SYT17: variants seen among roughly 807,000 people sequenced by gnomAD.
The protein encoded by SYT17 is synaptotagmin 17, also known as synaptotagmin-17.
Under a neutral mutation model 46.7 loss-of-function variants are expected in SYT17, and 22 were observed. The observed-to-expected ratio is 0.47, with a 90% CI of 0.34 to 0.67. SYT17 has a LOEUF of 0.67. Among genes scored for constraint, SYT17 ranks in the 30% least tolerant of loss-of-function variants. SYT17 has a pLI of 0.01. For missense variants in SYT17, 519 were observed against 612.8 expected, an observed-to-expected ratio of 0.85 and a Z score of 1.62; for synonymous variants, 251 against 248.4, an observed-to-expected ratio of 1.01 and a Z score of -0.10.
Position 19,257,743 on chromosome 16 carries a change from A to G in SYT17, c.1229-9137A>G, listed in dbSNP as rs187753342. ...TTTTCAGGAACAGGGGAACATCTTA[A>G]CCCAGCATCAAAGAGGTAGATCGCC... On this transcript the variant is annotated intron_variant, in intron 7 of 7. Coordinates refer to ENST00000355377, the MANE Select transcript of SYT17 (RefSeq NM_016524.4). 3.0e-4 allele frequency among the ~76,000 whole-genome samples: 45 copies of G among 152,180 alleles called. 1 individual carries two copies. The highest frequency in any genetic ancestry group is 2.9e-3 in the East Asian group (15 of 5,168).
At chr16:19,264,051 C>T (rs1008324879) in intron 7 of SYT17, among the ~76,000 whole-genome samples, 1 of 152,126 alleles carries the variant, frequency 6.6e-6, no homozygotes, top group Non-Finnish European at 1.5e-5. Context: ...ATAGAAGATG[C>T]CCCAGAGAAC....
intron 7 of SYT17, among the ~76,000 whole-genome samples, chr16:19,258,365 G>T (rs959636944): frequency 6.6e-6 from 1 of 152,160 alleles, no homozygotes; most frequent in Admixed American, 6.6e-5. Flanking sequence ...AGGAGGCCAG[G>T]CACGGTGGCT....
At position 19,267,945 on chromosome 16, in the gene SYT17, TG is replaced by T. The variant is rs1304637965; in HGVS notation, c.*870del. Reference sequence around the variant, plus strand: ...CCACTTTGGATAAAAGTAGTGTGTGTGTGTGTGTGTGTGTGTGTGTGTGTGT... The same window carrying T: ...CCACTTTGGATAAAAGTAGTGTGTGTTGTGTGTGTGTGTGTGTGTGTGTGT... On this transcript the variant is annotated 3_prime_UTR_variant, in exon 8 of 8. Transcript: ENST00000355377. The T allele has an allele frequency of 1.8e-4, 17 of 93,866 alleles. No homozygotes were observed. The highest frequency in any genetic ancestry group is 7.9e-4 in the African/African-American group (16 of 20,308). 5.8% of individuals were successfully genotyped at this position (93,866 alleles called of 1,614,324 possible).
intron 5 of SYT17, among the ~76,000 whole-genome samples, chr16:19,196,317 A>C (rs1304136019): frequency 6.6e-6 from 1 of 150,768 alleles, no homozygotes; most frequent in Non-Finnish European, 1.5e-5. Context: ...ATCTCGGCTC[A>C]CTGCAACCTC....
intron 5 of SYT17, among the ~76,000 whole-genome samples, chr16:19,218,236 G>A (rs1966169760): frequency 6.6e-6 from 1 of 152,172 alleles, no homozygotes; most frequent in Non-Finnish European, 1.5e-5. Flanking sequence ...CCTAGTACCT[G>A]TTACATGAGC....
At position 19,168,857 on chromosome 16, in the gene SYT17, C is replaced by A. The variant is rs1323493541; in HGVS notation, c.15+196C>A. 6.6e-6 allele frequency among the ~76,000 whole-genome samples: 1 copy of A among 152,142 alleles called. No individual in the cohort carries two copies. The highest frequency in any genetic ancestry group is 1.5e-5 in the Non-Finnish European group (1 of 68,012). On this transcript the variant is annotated intron_variant, in intron 1 of 7. Transcript: ENST00000355377. The surrounding 1 kb of genome is among the most constrained non-coding windows in gnomAD (Gnocchi z 6.9). ...GAGGAGAGACTGGGGACCCCCAAAC[C>A]CCGGGATGGAGGGTCCTATGTGTAC...
chr16:19,205,952 C>T (rs1223085418), intron 5 of SYT17, among the ~76,000 whole-genome samples: 1 of 151,836 alleles, frequency 6.6e-6, no homozygotes, highest in Non-Finnish European at 1.5e-5. Context: ...CTGTCTTGTT[C>T]CCTAGTGGTA....
At chr16:19,194,420 C>T (rs1965152904) in intron 5 of SYT17, among the ~76,000 whole-genome samples, 1 of 152,190 alleles carries the variant, frequency 6.6e-6, no homozygotes. Context: ...ATGTTGCTGG[C>T]CCCTGGGTAC....
chr16:19,230,902 A>G (rs1015789917), intron 7 of SYT17, among the ~76,000 whole-genome samples: 1 of 152,240 alleles, frequency 6.6e-6, no homozygotes, highest in Non-Finnish European at 1.5e-5. Context: ...TCCTCTTTAA[A>G]TATGAGACGT....
Position 19,267,104 on chromosome 16 carries a change from GT to G in SYT17, c.*31del. The G allele has an allele frequency of 1.2e-6, 1 of 858,400 alleles. No homozygotes were observed. The highest frequency in any genetic ancestry group is 1.5e-6 in the Non-Finnish European group (1 of 686,824). 53.2% of individuals were successfully genotyped at this position (858,400 alleles called of 1,614,324 possible). On this transcript the variant is annotated 3_prime_UTR_variant, in exon 8 of 8. Coordinates refer to ENST00000355377, the MANE Select transcript of SYT17 (RefSeq NM_016524.4). ...GCTGCAGGGAAGGCAGCTTTCATTT[GT>G]TTAAAAAAAAAAAAAAAAGACGGAA...
At chr16:19,222,927 G>C in intron 5 of SYT17, 118 bp from the exon 6 acceptor site, 9 of 1,366,642 alleles carry the variant, frequency 6.6e-6, no homozygotes, top group Non-Finnish European at 9.0e-6. Context: ...GGCTCCCACT[G>C]TCAACTGATG....
intron 5 of SYT17, among the ~76,000 whole-genome samples, chr16:19,191,936 C>T (rs1310594395): frequency 6.6e-6 from 1 of 152,144 alleles, no homozygotes; most frequent in Non-Finnish European, 1.5e-5. Context: ...AGGCGCCCGC[C>T]ACCACACCCA....
chr16:19,193,745 T>C (rs1010073841), intron 5 of SYT17, among the ~76,000 whole-genome samples: 2 of 152,190 alleles, frequency 1.3e-5, no homozygotes, highest in African/African-American at 4.8e-5. Flanking sequence ...AGCTTAATCA[T>C]ACTGGGGAAC....
chr16:19,185,785 G>A (rs925489734), intron 5 of SYT17, among the ~76,000 whole-genome samples: 12 of 152,194 alleles, frequency 7.9e-5, no homozygotes, highest in African/African-American at 1.4e-4. Context: ...AGGGCCTGGC[G>A]GGTGGCGAGC....
At chr16:19,172,655 A>G in intron 1 of SYT17, 105 bp from the exon 2 acceptor site, 2 of 1,548,974 alleles carry the variant, frequency 1.3e-6, no homozygotes, top group South Asian at 1.2e-5. Context: ...TTTTTGTAAA[A>G]TTTTTTTGAG....
In SYT17 at chr16:19,180,519, G is replaced by T; in HGVS notation, c.311G>T (p.Ser104Ile). The change falls in exon 4 of 8, where the codon AGC (serine) becomes ATC (isoleucine). Residue 104 changes from serine (S) to isoleucine (I), a missense_variant. Ser to Ile is a moderately radical substitution (Grantham distance 142). Coordinates refer to ENST00000355377, the MANE Select transcript of SYT17 (RefSeq NM_016524.4). ...TCAGACACATCCAAGTCTACATACA[G>T]CCTGACGCGGAGGATTTCGAGTAAG... ...SSSDTSKSTYSLTRRISSLES... is the reference protein window; with the variant it reads ...SSSDTSKSTYILTRRISSLES... 1 of 1,614,154 alleles carries T rather than the reference G, an allele frequency of 6.2e-7. No homozygotes were observed. The highest frequency in any genetic ancestry group is 8.5e-7 in the Non-Finnish European group (1 of 1,180,030).
chr16:19,197,510 G>A (rs1248530670), intron 5 of SYT17, among the ~76,000 whole-genome samples: 1 of 151,882 alleles, frequency 6.6e-6, no homozygotes, highest in African/African-American at 2.4e-5. Flanking sequence ...GTGCAGTGGT[G>A]CAGTAAGAGT....
At chr16:19,173,893 A>C (rs1190548342) in intron 3 of SYT17, among the ~76,000 whole-genome samples, 1 of 152,196 alleles carries the variant, frequency 6.6e-6, no homozygotes, top group African/African-American at 2.4e-5. Context: ...GGTTCCGAGC[A>C]GAAAAGGAGA....
At chr16:19,181,663 G>A (rs1430350821) in intron 4 of SYT17, among the ~76,000 whole-genome samples, 5 of 150,748 alleles carry the variant, frequency 3.3e-5, no homozygotes, top group Non-Finnish European at 7.4e-5. Flanking sequence ...CTGATGTTCT[G>A]TAAGTGCAAA....
Sources: allele counts gnomAD v4.1 joint callset (sites outside exome capture counted in the v4.1 genomes callset), GRCh38; gene constraint gnomAD v4.1.1; non-coding constraint Gnocchi (gnomAD v3.1); transcripts MANE v1.5; gene names NCBI Gene and HGNC (gene_info 2026-07-23, HGNC 2026-07-21).